Variants in CCDC178 observed in about 807,000 individuals in gnomAD.
CCDC178 encodes the protein coiled-coil domain-containing protein 178.
A neutral mutation model predicts 117.4 loss-of-function variants in CCDC178; 126 were observed. That is an observed-to-expected ratio of 1.07 (90% CI 0.93 to 1.24). The LOEUF (loss-of-function observed/expected upper bound fraction) is 1.24, where lower values mean the gene tolerates loss of function less well. CCDC178 is among the 50% of genes most tolerant of loss of function. The probability of loss-of-function intolerance (pLI) is 0.00; values close to 1 mark genes in which losing one functional copy is unlikely to be tolerated. For synonymous variants in CCDC178, 283 were observed against 313.4 expected, an observed-to-expected ratio of 0.90 and a Z score of 1.02; for missense variants, 1,030 against 986.9, an observed-to-expected ratio of 1.04 and a Z score of -0.59.
At chr18:33,365,393 G>A (rs1247045592) in intron 6 of CCDC178, among the ~76,000 whole-genome samples, 3 of 152,058 alleles carry the variant, frequency 2.0e-5, no homozygotes, top group Admixed American at 6.6e-5. Context: ...TGCTGAACCG[G>A]ATGTGCTTAG....
chr18:33,283,269 C>A (rs2060047897), intron 12 of CCDC178, among the ~76,000 whole-genome samples: 1 of 152,052 alleles, frequency 6.6e-6, no homozygotes, highest in African/African-American at 2.4e-5. Flanking sequence ...TCGGCTGAAT[C>A]CTCCTTATAT....
intron 20 of CCDC178, among the ~76,000 whole-genome samples, chr18:33,207,778 C>T (rs1030657800): frequency 1.3e-5 from 2 of 151,766 alleles, no homozygotes; most frequent in African/African-American, 4.8e-5. Flanking sequence ...GTAATTCTGC[C>T]ACATATTCAC....
At chr18:33,105,093 C>A (rs1476116373) in intron 20 of CCDC178, among the ~76,000 whole-genome samples, 1 of 151,480 alleles carries the variant, frequency 6.6e-6, no homozygotes, top group Non-Finnish European at 1.5e-5. Context: ...GACTCAAAAG[C>A]AATAGAACTG....
At chr18:33,275,803 A>T (rs1240804710) in intron 12 of CCDC178, among the ~76,000 whole-genome samples, 1 of 151,342 alleles carries the variant, frequency 6.6e-6, no homozygotes, top group Non-Finnish European at 1.5e-5. Context: ...TGGTTTCTAA[A>T]TTTTTTTCTA....
intron 22 of CCDC178, among the ~76,000 whole-genome samples, chr18:32,961,822 G>A (rs972680706): frequency 6.6e-6 from 1 of 152,066 alleles, no homozygotes; most frequent in Non-Finnish European, 1.5e-5. Flanking sequence ...ATAGGCCATG[G>A]ACTTGTACCT....
intron 21 of CCDC178, among the ~76,000 whole-genome samples, chr18:33,076,136 A>G (rs915572554): frequency 2.8e-4 from 42 of 152,302 alleles, no homozygotes; most frequent in African/African-American, 9.4e-4. Context: ...GAATCATCAG[A>G]GAAAAGCCCT....
chr18:33,006,139 T>C (rs2055745022), intron 21 of CCDC178, among the ~76,000 whole-genome samples: 1 of 152,084 alleles, frequency 6.6e-6, no homozygotes, highest in South Asian at 2.1e-4. Context: ...TAGAATAAAA[T>C]TGTTGACTCA....
At chr18:33,233,076 A>C (rs1158065898) in intron 15 of CCDC178, among the ~76,000 whole-genome samples, 4 of 152,204 alleles carry the variant, frequency 2.6e-5, no homozygotes, top group Non-Finnish European at 4.4e-5. Flanking sequence ...AGTGTATACA[A>C]AATAAACAAT....
chr18:33,209,935 AAG>A (rs1190621205), intron 20 of CCDC178, among the ~76,000 whole-genome samples: 2 of 151,868 alleles, frequency 1.3e-5, no homozygotes, highest in Non-Finnish European at 2.9e-5. Context: ...GAGAGAGAGA[AAG>A]AGAGACACAC....
chr18:33,168,377 G>C (rs192896183), intron 20 of CCDC178, among the ~76,000 whole-genome samples: 1 of 151,892 alleles, frequency 6.6e-6, no homozygotes, highest in Non-Finnish European at 1.5e-5. Context: ...CTATTTTGTC[G>C]AAGATCAGAT....
chr18:33,022,409 G>T (rs1048207494), intron 21 of CCDC178, among the ~76,000 whole-genome samples: 1 of 152,270 alleles, frequency 6.6e-6, no homozygotes. Flanking sequence ...AAATTATAAT[G>T]TCTGATGTGG....
chr18:33,096,598 C>T (rs1206828331), intron 20 of CCDC178, among the ~76,000 whole-genome samples: 2 of 151,750 alleles, frequency 1.3e-5, no homozygotes, highest in East Asian at 3.9e-4. Context: ...AAGATATTAA[C>T]AACCCTCCTC....
At chr18:33,261,304 CG>C (rs2144748093) in intron 14 of CCDC178, among the ~76,000 whole-genome samples, 1 of 152,214 alleles carries the variant, frequency 6.6e-6, no homozygotes, top group African/African-American at 2.4e-5. Context: ...AGGATGGTCT[CG>C]ATCTCCTGAC....
At chr18:33,132,420 A>G (rs142240450) in intron 20 of CCDC178, among the ~76,000 whole-genome samples, 98 of 151,794 alleles carry the variant, frequency 6.5e-4, no homozygotes, top group Middle Eastern at 3.4e-3. Context: ...AAACATCTAT[A>G]TATTACGTTG....
chr18:33,280,283 G>A (rs1470454079), intron 12 of CCDC178, among the ~76,000 whole-genome samples: 1 of 152,166 alleles, frequency 6.6e-6, no homozygotes, highest in Non-Finnish European at 1.5e-5. Context: ...CCATCAAAAA[G>A]TGGGTGAAGG....
chr18:32,962,305 A>C (rs1350829703), intron 22 of CCDC178, among the ~76,000 whole-genome samples: 1 of 152,098 alleles, frequency 6.6e-6, no homozygotes, highest in Non-Finnish European at 1.5e-5. Flanking sequence ...AAGACAATAA[A>C]AAGAGAGTCT....
At chr18:33,019,705 G>T (rs1446565529) in intron 21 of CCDC178, among the ~76,000 whole-genome samples, 1 of 151,774 alleles carries the variant, frequency 6.6e-6, no homozygotes, top group Admixed American at 6.6e-5. Flanking sequence ...TAAGGAAACT[G>T]AGACTCAAGG....
Position 33,224,868 on chromosome 18 carries a change from T to C in CCDC178, c.1725A>G (p.Ile575Met), listed in dbSNP as rs1158304015. The part of the protein sequence containing the change: ...ERKELIKNRA[I>M]CAMSLAELQE... ...GTAGTTCTGCCAGTGACATGGCACATATTGCTCTATTTTTTATAAGCTCTT... is the reference window on the plus strand; with the variant it reads ...GTAGTTCTGCCAGTGACATGGCACACATTGCTCTATTTTTTATAAGCTCTT... The change falls in exon 17 of 23, where the codon ATA becomes ATG. Residue 575 changes from isoleucine (I) to methionine (M), a missense_variant. Coordinates refer to ENST00000383096, the MANE Select transcript of CCDC178 (RefSeq NM_001105528.4). 6.3e-7 allele frequency: 1 copy of C among 1,581,402 alleles called. No homozygotes were observed. Among genetic ancestry groups the C allele is most frequent in the Non-Finnish European group, 8.6e-7 (1 of 1,162,522 alleles).
chr18:33,190,145 C>T (rs913832654), intron 20 of CCDC178, among the ~76,000 whole-genome samples: 2 of 152,182 alleles, frequency 1.3e-5, no homozygotes, highest in African/African-American at 4.8e-5. Context: ...ACTTCAGTGG[C>T]TGGATGTACT....
Sources: gnomAD v4.1 joint callset for allele counts (sites outside exome capture counted in the v4.1 genomes callset) on GRCh38, gnomAD v4.1.1 for gene constraint, MANE v1.5 for transcripts, NCBI Gene and HGNC (gene_info 2026-07-23, HGNC 2026-07-21) for gene names.